The following NFASC variants were observed in gnomAD, a reference collection of about 807,000 sequenced individuals.
The protein encoded by NFASC is neurofascin homolog.
Under a neutral mutation model 147.5 loss-of-function variants are expected in NFASC, and 43 were observed. The observed-to-expected ratio is 0.29, with a 90% CI of 0.23 to 0.38. The LOEUF (loss-of-function observed/expected upper bound fraction) is 0.38, where lower values mean the gene tolerates loss of function less well. Ranked by LOEUF, NFASC falls within the 10% of genes least tolerant of loss-of-function variation. The pLI, the probability that NFASC is intolerant of heterozygous loss-of-function variation, is 1.00. For missense variants in NFASC, 1,320 were observed against 1,689.0 expected (o/e 0.78, Z 3.83); for synonymous variants, 622 against 665.5 (o/e 0.93, Z 1.01).
Position 204,920,675 on chromosome 1 carries a change from C to G in NFASC, c.-156C>G, listed in dbSNP as rs1203221623. ...AATTTGGGACGCTGGAGTTTACCTT[C>G]CCTCCGCAGCCTGGAACAGAGCCTC... On this transcript the variant is annotated 5_prime_UTR_variant, in exon 2 of 30. Transcript: ENST00000339876. The G allele has an allele frequency of 1.1e-5, 14 of 1,289,450 alleles. No homozygotes were observed. The South Asian group carries it at 1.6e-4, about 15-fold the overall frequency. The allele number at this position is 1,289,450 out of a possible 1,614,324, so 79.9% of individuals were successfully genotyped here. A position where few individuals can be genotyped will look rare whatever the true frequency, so the allele number is the denominator to read the frequency against.
rs1401280063 is a variant in NFASC at position 204,954,817 on chromosome 1, A to G, written c.413-12A>G. On this transcript the variant is annotated splice_polypyrimidine_tract_variant and intron_variant, in intron 6 of 29. Coordinates refer to ENST00000339876, the MANE Select transcript of NFASC (RefSeq NM_001005388.3). The surrounding 1 kb of genome is among the most constrained non-coding windows in gnomAD (Gnocchi z 5.7). ...CACCCTCACTTTATCCTCTTTGTCC[A>G]CTTCTCTCCAGAATCTCCTCTGTGG... 7 of 1,613,500 alleles carry G rather than the reference A, an allele frequency of 4.3e-6. No homozygotes were observed. The South Asian group carries it at 7.7e-5, about 18-fold the overall frequency.
intron 1 of NFASC, among the ~76,000 whole-genome samples, chr1:204,829,546 G>T (rs1187757927): frequency 6.6e-6 from 1 of 152,140 alleles, no homozygotes; most frequent in Non-Finnish European, 1.5e-5. Context: ...CTGCATGTTC[G>T]ATCCTATTTG....
At chr1:204,935,996 A>C (rs1228692634) in intron 2 of NFASC, among the ~76,000 whole-genome samples, 1 of 152,052 alleles carries the variant, frequency 6.6e-6, no homozygotes, top group Non-Finnish European at 1.5e-5. Flanking sequence ...TCTTCAAATA[A>C]AACCTTATAT....
chr1:204,955,278 G>A (rs1009728144), intron 7 of NFASC, among the ~76,000 whole-genome samples: 5 of 152,150 alleles, frequency 3.3e-5, no homozygotes, highest in South Asian at 4.1e-4. Flanking sequence ...GAGTCAATAC[G>A]TCCAAAGTGC....
intron 27 of NFASC, among the ~76,000 whole-genome samples, chr1:205,008,024 TC>T (rs1000996210): frequency 6.6e-5 from 10 of 152,196 alleles, no homozygotes; most frequent in African/African-American, 2.4e-4. Context: ...AGCCTTGTTC[TC>T]GCAGGCCTCA....
Position 204,954,257 on chromosome 1 carries a change from G to T in NFASC, c.285G>T (p.Arg95Ser). Residue 95 changes from arginine (R) to serine (S), a missense_variant, in exon 6 of 30, where the codon AGG becomes AGT. This residue lies in a region of NFASC where 981 missense variants were observed against 1,289.5 expected (regional missense o/e 0.76). Coordinates refer to ENST00000339876, the MANE Select transcript of NFASC (RefSeq NM_001005388.3). This position sits in a 1 kb window ranked among gnomAD's most constrained non-coding sequence, Gnocchi z 5.7. ...ACCCCCGGGTGTCCATGAGGAGGAG[G>T]TCTGGGACCCTGGTGATTGACTTCC... The part of the protein sequence containing the change: ...AKDPRVSMRR[R>S]SGTLVIDFRS... 1 of 1,614,222 alleles carries T rather than the reference G, an allele frequency of 6.2e-7. No individual in the cohort carries two copies. Among genetic ancestry groups the T allele is most frequent in the Non-Finnish European group, 8.5e-7 (1 of 1,180,044 alleles).
chr1:205,006,595 G>C (rs1425335071), intron 27 of NFASC, among the ~76,000 whole-genome samples: 1 of 152,198 alleles, frequency 6.6e-6, no homozygotes, highest in Admixed American at 6.5e-5. Context: ...ACAGTGGAGA[G>C]TAATGAAAGG....
At chr1:204,925,021 G>A (rs1443762855) in intron 2 of NFASC, among the ~76,000 whole-genome samples, 1 of 152,154 alleles carries the variant, frequency 6.6e-6, no homozygotes, top group Non-Finnish European at 1.5e-5. Flanking sequence ...GATTACAGGT[G>A]CCCGCCACAT....
chr1:204,915,039 G>A (rs1399412923), intron 1 of NFASC, among the ~76,000 whole-genome samples: 1 of 152,170 alleles, frequency 6.6e-6, no homozygotes, highest in Non-Finnish European at 1.5e-5. Flanking sequence ...CAGCACTTTG[G>A]GAGGCCGAGA....
Position 204,828,704 on chromosome 1 carries a change from C to CA in NFASC, c.-277dup, listed in dbSNP as rs1010024072. On this transcript the variant is annotated 5_prime_UTR_variant, in exon 1 of 30. The change creates a premature stop within an existing upstream ORF in the 5' untranslated region. Transcript: ENST00000339876. ...CGGCGGCTGGCGGCGAGAGGCGCTG[C>CA]AGGGGACGCGGGGGAAGTGGCGGCG... is the stretch of plus-strand genomic sequence containing the variant. 8.1e-6 allele frequency: 8 copies of CA among 985,046 alleles called. No individual in the cohort carries two copies. The African/African-American group carries it at 1.4e-4, about 17-fold the overall frequency. The allele number at this position is 985,046 out of a possible 1,614,324, so 61.0% of individuals were successfully genotyped here. A position where few individuals can be genotyped will look rare whatever the true frequency, so the allele number is the denominator to read the frequency against.
intron 4 of NFASC, 37 bp from the exon 5 acceptor site, chr1:204,951,974 C>G (rs2094153708): frequency 6.3e-7 from 1 of 1,578,350 alleles, no homozygotes; most frequent in Non-Finnish European, 8.7e-7. Context: ...AGGGAGGTCC[C>G]TGCAGCCCTG....
intron 10 of NFASC, 28 bp from the exon 11 acceptor site, chr1:204,970,588 C>T (rs2095208481): frequency 6.2e-7 from 1 of 1,612,860 alleles, no homozygotes; most frequent in Admixed American, 1.7e-5. Flanking sequence ...CATCTAACTC[C>T]CCTGCCTGTG....
chr1:204,873,577 C>T (rs1320228904), intron 1 of NFASC, among the ~76,000 whole-genome samples: 7 of 152,216 alleles, frequency 4.6e-5, no homozygotes, highest in African/African-American at 1.7e-4. Context: ...CACCACAGAG[C>T]ACACAAGGAG....
At chr1:204,830,634 G>C (rs1395223940) in intron 1 of NFASC, among the ~76,000 whole-genome samples, 1 of 148,588 alleles carries the variant, frequency 6.7e-6, no homozygotes, top group Non-Finnish European at 1.5e-5. Flanking sequence ...TGTGATGTGT[G>C]TGTGTGTTGT....
chr1:204,950,435 C>T (rs2094023663), intron 3 of NFASC, 122 bp from the exon 4 acceptor site: 2 of 887,254 alleles, frequency 2.3e-6, no homozygotes, highest in Admixed American at 2.0e-5. Context: ...GTGCTCAGCG[C>T]CCTCCCCAGG....
At chr1:204,950,206 G>A (rs1437188726) in intron 3 of NFASC, among the ~76,000 whole-genome samples, 4 of 152,238 alleles carry the variant, frequency 2.6e-5, no homozygotes, top group African/African-American at 7.2e-5. Context: ...CAGATGGAGG[G>A]AAATACCTTC....
intron 1 of NFASC, among the ~76,000 whole-genome samples, chr1:204,851,285 C>G (rs563695833): frequency 1.3e-5 from 2 of 151,364 alleles, no homozygotes; most frequent in Non-Finnish European, 2.9e-5. Context: ...ACCCCCAAGA[C>G]TGATATAACA....
At position 204,968,897 on chromosome 1, in the gene NFASC, C is replaced by G. The variant is rs1177956502; in HGVS notation, c.918C>G (p.Val306=). ...ATAAGGCCCTGCGTATCACAAATGT[C>G]TCTGAGGAAGACTCCGGGGAGTATT... The part of the protein sequence containing the change: ...NFNKALRITN[V]SEEDSGEYFC... Residue 306 remains valine, a synonymous_variant, in exon 10 of 30, where the codon GTC becomes GTG. Transcript: ENST00000339876. This position sits in a 1 kb window ranked among gnomAD's most constrained non-coding sequence, Gnocchi z 5.4. 3.1e-6 allele frequency: 5 copies of G among 1,614,042 alleles called. No homozygotes were observed. The South Asian group carries it at 5.5e-5, about 18-fold the overall frequency.
chr1:204,977,336 C>T (rs1574039990), intron 16 of NFASC, among the ~76,000 whole-genome samples: 1 of 152,210 alleles, frequency 6.6e-6, no homozygotes, highest in African/African-American at 2.4e-5. Flanking sequence ...GGAGGCCTCT[C>T]CCTTCCAGGC....
Sources: gnomAD v4.1 joint callset for allele counts (sites outside exome capture counted in the v4.1 genomes callset) on GRCh38, gnomAD v4.1.1 for gene constraint, gnomAD v4.1.1 regional missense constraint, Gnocchi (gnomAD v3.1) non-coding constraint, MANE v1.5 for transcripts, NCBI Gene and HGNC (gene_info 2026-07-23, HGNC 2026-07-21) for gene names.